WDFY2: variants seen among roughly 807,000 people sequenced by gnomAD.
WDFY2 encodes WD repeat and FYVE domain containing 2.
WDFY2 carries 36 observed loss-of-function variants against 56.4 expected under a neutral mutation model. The ratio of observed to expected loss-of-function variants is 0.64; its 90% CI spans 0.49 to 0.84. WDFY2 has a LOEUF of 0.84. Among genes scored for constraint, WDFY2 ranks in the 40% least tolerant of loss-of-function variants. The pLI is 0.00. For missense variants in WDFY2, 444 were observed against 512.2 expected, an observed-to-expected ratio of 0.87 and a Z score of 1.29; for synonymous variants, 176 against 183.7, an observed-to-expected ratio of 0.96 and a Z score of 0.34.
chr13:51,750,458 T>G (rs543224282), intron 7 of WDFY2, among the ~76,000 whole-genome samples: 68 of 149,788 alleles, frequency 4.5e-4, no homozygotes, highest in African/African-American at 1.5e-3. Flanking sequence ...AAATCACCAG[T>G]CCAGATATCA....
chr13:51,694,107 A>C (rs1297359656), intron 3 of WDFY2, among the ~76,000 whole-genome samples: 1 of 152,168 alleles, frequency 6.6e-6, no homozygotes, highest in Admixed American at 6.5e-5. Flanking sequence ...TCCTGAATAC[A>C]GCACACTGAT....
intron 2 of WDFY2, among the ~76,000 whole-genome samples, chr13:51,666,926 T>C (rs542373390): frequency 1.7e-4 from 26 of 152,364 alleles, no homozygotes; most frequent in Non-Finnish European, 3.2e-4. Context: ...ATGTATTGTT[T>C]CCAATTGCAG....
intron 1 of WDFY2, among the ~76,000 whole-genome samples, chr13:51,650,125 GTCC>G (rs1444152572): frequency 6.6e-6 from 1 of 151,766 alleles, no homozygotes; most frequent in African/African-American, 2.4e-5. Flanking sequence ...CCTTGAAGAG[GTCC>G]TTCACATCCC....
At chr13:51,596,482 C>T (rs4943008) in intron 1 of WDFY2, among the ~76,000 whole-genome samples, 69,381 of 151,886 alleles carry the variant, frequency 0.46, 16,234 homozygotes, top group African/African-American at 0.54. Flanking sequence ...TAAAGTTCAC[C>T]GAATCCTAAA....
chr13:51,652,067 G>T (rs1156455327), intron 1 of WDFY2, among the ~76,000 whole-genome samples: 1 of 152,194 alleles, frequency 6.6e-6, no homozygotes, highest in Non-Finnish European at 1.5e-5. Flanking sequence ...CTAAGGACTT[G>T]CTTTATGTAT....
intron 1 of WDFY2, among the ~76,000 whole-genome samples, chr13:51,601,604 G>A (rs1032621997): frequency 6.6e-6 from 1 of 151,992 alleles, no homozygotes; most frequent in Non-Finnish European, 1.5e-5. Context: ...TAGTACAGAC[G>A]GGGGTTTTAC....
chr13:51,721,618 T>A (rs1952493039), intron 5 of WDFY2, among the ~76,000 whole-genome samples: 1 of 152,068 alleles, frequency 6.6e-6, no homozygotes, highest in Non-Finnish European at 1.5e-5. Context: ...AGCCTGTGTG[T>A]GTGAGAGCCT....
Position 51,751,378 on chromosome 13 carries a change from G to C in WDFY2, c.794G>C (p.Gly265Ala). Residue 265 changes from glycine to alanine, a missense_variant, in exon 8 of 12, where the codon GGG (glycine) becomes GCG (alanine). Physicochemically the swap from Gly to Ala is moderately conservative, Grantham distance 60 (BLOSUM62 0). Transcript: ENST00000298125. ...TTGATCTCCTGTGGCGGTGATGGTG[G>C]GATTGTCGTCTGGAACATGGACGTG... ...RQLISCGGDG[G>A]IVVWNMDVER... 6.2e-7 allele frequency: 1 copy of C among 1,614,108 alleles called. No individual in the cohort carries two copies. Among genetic ancestry groups the C allele is most frequent in the South Asian group, 1.1e-5 (1 of 91,078 alleles).
Position 51,764,714 on chromosome 13 carries a change from G to A in WDFY2, c.*4945G>A, listed in dbSNP as rs1050467541. 6.6e-6 allele frequency: 1 copy of A among 152,202 alleles called. No homozygotes were observed. The highest frequency in any genetic ancestry group is 6.5e-5 in the Admixed American group (1 of 15,282). The allele number at this position is 152,202 out of a possible 1,614,324, so 9.4% of individuals were successfully genotyped here. A position where few individuals can be genotyped will look rare whatever the true frequency, so the allele number is the denominator to read the frequency against. ...GTTTCTTTTTCTTTGGAAATCCCTAGAACTGTTAACTGAAGGTGACTCAGG... is the reference window on the plus strand; with the variant it reads ...GTTTCTTTTTCTTTGGAAATCCCTAAAACTGTTAACTGAAGGTGACTCAGG... On this transcript the variant is annotated 3_prime_UTR_variant, in exon 12 of 12. Transcript: ENST00000298125.
At chr13:51,714,194 A>G (rs1273220873) in intron 4 of WDFY2, among the ~76,000 whole-genome samples, 2 of 152,024 alleles carry the variant, frequency 1.3e-5, no homozygotes, top group Non-Finnish European at 2.9e-5. Context: ...TTAATGGTCC[A>G]ATAAATATTA....
At chr13:51,612,738 T>C (rs1954527623) in intron 1 of WDFY2, among the ~76,000 whole-genome samples, 1 of 152,250 alleles carries the variant, frequency 6.6e-6, no homozygotes, top group African/African-American at 2.4e-5. Context: ...CCATATACAT[T>C]ATGTTCTGTG....
At chr13:51,700,604 A>G (rs1266403909) in intron 3 of WDFY2, among the ~76,000 whole-genome samples, 1 of 152,232 alleles carries the variant, frequency 6.6e-6, no homozygotes, top group Non-Finnish European at 1.5e-5. Context: ...ATAAAGATAT[A>G]ATGCATTTAA....
chr13:51,714,017 A>G (rs1257242200), intron 4 of WDFY2, among the ~76,000 whole-genome samples: 1 of 151,962 alleles, frequency 6.6e-6, no homozygotes, highest in African/African-American at 2.4e-5. Flanking sequence ...AAGGTGAGAA[A>G]GTTCTAGAGA....
At chr13:51,690,284 C>T (rs1379812683) in intron 3 of WDFY2, among the ~76,000 whole-genome samples, 6 of 150,886 alleles carry the variant, frequency 4.0e-5, no homozygotes, top group Admixed American at 1.3e-4. Context: ...CATGCTGGTG[C>T]GCTGCATCCA....
chr13:51,624,878 TGTG>T (rs1954811539), intron 1 of WDFY2, among the ~76,000 whole-genome samples: 2 of 152,174 alleles, frequency 1.3e-5, no homozygotes, highest in South Asian at 4.1e-4. Flanking sequence ...AGCAGGCCAG[TGTG>T]TCTGGGAGGA....
rs1023083017 is a variant in WDFY2, at chr13:51,631,410, T to A, written c.138-29186T>A. On this transcript the variant is annotated intron_variant, in intron 1 of 11. Coordinates refer to ENST00000298125, the MANE Select transcript of WDFY2 (RefSeq NM_052950.4). ...TGTCTCTAAAAAAAAAAAAAAAAAA[T>A]TTAAAAAGAAGGAAAACAATTCTCT... Among the ~76,000 whole-genome samples the A allele has an allele frequency of 4.0e-5, 6 of 150,324 alleles. No individual in the cohort carries two copies. In the East Asian group the frequency reaches 5.9e-4, roughly 15 times the overall value.
chr13:51,727,733 A>G lies in WDFY2; in HGVS notation c.541A>G (p.Ile181Val), dbSNP rs1413737872. The G allele has an allele frequency of 1.8e-5, 29 of 1,614,200 alleles. No individual in the cohort carries two copies. The highest frequency in any genetic ancestry group is 2.3e-5 in the Non-Finnish European group (27 of 1,180,034). ...FIGDHSGQVT[I>V]LKLEQENCTL... The stretch of plus-strand genomic sequence containing the variant: ...CGGTGACCACTCAGGCCAAGTAACA[A>G]TCCTCAAACTGGAGCAAGAAAACTG... Residue 181 changes from isoleucine (I) to valine (V), a missense_variant, in exon 6 of 12, where the codon ATC becomes GTC. Transcript: ENST00000298125.
intron 4 of WDFY2, among the ~76,000 whole-genome samples, chr13:51,711,664 T>A (rs1952220812): frequency 6.6e-6 from 1 of 152,190 alleles, no homozygotes. Flanking sequence ...AGAAGACATT[T>A]ATGCAGCCAA....
Position 51,706,951 on chromosome 13 carries a change from A to G in WDFY2, c.334+3301A>G, listed in dbSNP as rs563883000. 9.8e-5 allele frequency among the ~76,000 whole-genome samples: 15 copies of G among 152,368 alleles called. No individual in the cohort carries two copies. The South Asian group carries it at 2.5e-3, about 25-fold the overall frequency. ...AAGAAGCCATAACATAATATGTTAA[A>G]TGATTGAAGAAAAAAGTTTCAGGAA... On this transcript the variant is annotated intron_variant, in intron 4 of 11. Coordinates refer to ENST00000298125, the MANE Select transcript of WDFY2 (RefSeq NM_052950.4).
Sources: allele counts gnomAD v4.1 joint callset (sites outside exome capture counted in the v4.1 genomes callset), GRCh38; gene constraint gnomAD v4.1.1; transcripts MANE v1.5; gene names NCBI Gene and HGNC (gene_info 2026-07-23, HGNC 2026-07-21).